NUP93: variants seen among roughly 807,000 people sequenced by gnomAD.
The protein encoded by NUP93 is nucleoporin 93.
NUP93 carries 55 observed loss-of-function variants against 107.8 expected under a neutral mutation model. The observed-to-expected ratio is 0.51, with a 90% CI of 0.41 to 0.64. The LOEUF (loss-of-function observed/expected upper bound fraction) is 0.64, where lower values mean the gene tolerates loss of function less well. Ranked by LOEUF, NUP93 falls within the 30% of genes least tolerant of loss-of-function variation. NUP93 has a pLI of 0.00. For missense variants in NUP93, 937 were observed against 1,044.7 expected (o/e 0.90, Z 1.42); for synonymous variants, 390 against 397.5 (o/e 0.98, Z 0.22).
Position 56,839,017 on chromosome 16 carries a change from T to C in NUP93, c.2084T>C (p.Leu695Ser), listed in dbSNP as rs764134014. The C allele has an allele frequency of 9.9e-5, 160 of 1,614,050 alleles. No individual in the cohort carries two copies. Among genetic ancestry groups the C allele is most frequent in the Non-Finnish European group, 1.3e-4 (154 of 1,180,010 alleles). The change falls in exon 19 of 22, where the codon TTG becomes TCG. Residue 695 changes from leucine (L) to serine (S), a missense_variant. Transcript: ENST00000308159. Reference sequence around the variant, plus strand: ...TCCACGTTCTATCTTCTTTTGGACTTGATCACCTTTTTTGACGAGTATCAT... The same window carrying C: ...TCCACGTTCTATCTTCTTTTGGACTCGATCACCTTTTTTGACGAGTATCAT... ...VDSTFYLLLD[L>S]ITFFDEYHSG...
chr16:56,748,481 G>A (rs1961860576), intron 2 of NUP93, 55 bp downstream of exon 2: 22 of 1,430,392 alleles, frequency 1.5e-5, no homozygotes, highest in Non-Finnish European at 2.0e-5. Flanking sequence ...GGCAGGATCT[G>A]TTTCTTCTTT....
chr16:56,776,914 T>C (rs752710327), intron 3 of NUP93, among the ~76,000 whole-genome samples: 16 of 152,270 alleles, frequency 1.1e-4, no homozygotes, highest in Non-Finnish European at 4.4e-5. Flanking sequence ...ATGTATTTTT[T>C]ACTGTGGTAG....
At chr16:56,792,069 ACTCCGG>A (rs1158180647) in intron 3 of NUP93, among the ~76,000 whole-genome samples, 1 of 152,106 alleles carries the variant, frequency 6.6e-6, no homozygotes, top group Non-Finnish European at 1.5e-5. Flanking sequence ...AATCCCAGCT[ACTCCGG>A]AGACTTAGGT....
intron 21 of NUP93, among the ~76,000 whole-genome samples, chr16:56,843,853 T>C (rs566223028): frequency 6.6e-6 from 1 of 152,356 alleles, no homozygotes; most frequent in East Asian, 1.9e-4. Context: ...TGGTGGTAGA[T>C]TTCTCCCTTT....
chr16:56,731,379 GTCTT>G (rs1271226173), intron 1 of NUP93, among the ~76,000 whole-genome samples: 12 of 151,068 alleles, frequency 7.9e-5, no homozygotes, highest in African/African-American at 2.7e-4. Context: ...GTTGACTGCT[GTCTT>G]TCTTTTTCTT....
intron 6 of NUP93, among the ~76,000 whole-genome samples, chr16:56,820,420 AT>A (rs1162598853): frequency 5.9e-5 from 9 of 152,166 alleles, no homozygotes; most frequent in Non-Finnish European, 1.2e-4. Context: ...GATTCAAGTG[AT>A]TCTCCTGCCT....
intron 1 of NUP93, among the ~76,000 whole-genome samples, chr16:56,739,726 C>CG (rs2144438199): frequency 9.7e-6 from 1 of 103,302 alleles, no homozygotes; most frequent in Non-Finnish European, 2.0e-5. Context: ...GGGGGGCCGA[C>CG]CCCCCCACCT....
intron 5 of NUP93, among the ~76,000 whole-genome samples, chr16:56,805,934 G>C (rs1963128704): frequency 6.6e-6 from 1 of 151,442 alleles, no homozygotes; most frequent in South Asian, 2.1e-4. Flanking sequence ...ATTTCATCTG[G>C]GGCTTGGGGC....
chr16:56,775,402 A>G (rs536400086), intron 3 of NUP93, among the ~76,000 whole-genome samples: 17 of 152,366 alleles, frequency 1.1e-4, no homozygotes, highest in East Asian at 9.6e-4. Flanking sequence ...TATTCTGTGC[A>G]TGATGCTGTG....
At chr16:56,759,010 G>A (rs934502326) in intron 3 of NUP93, among the ~76,000 whole-genome samples, 7 of 152,052 alleles carry the variant, frequency 4.6e-5, no homozygotes, top group Non-Finnish European at 1.0e-4. Flanking sequence ...TTTACTATTC[G>A]TCTTCCACAT....
chr16:56,807,239 G>A (rs1202946378), intron 5 of NUP93, among the ~76,000 whole-genome samples: 1 of 152,234 alleles, frequency 6.6e-6, no homozygotes, highest in African/African-American at 2.4e-5. Context: ...TGCCAGGAAT[G>A]CTCTTCCCCC....
At chr16:56,836,500 C>T in intron 16 of NUP93, 101 bp from the exon 17 acceptor site, 1 of 719,074 alleles carries the variant, frequency 1.4e-6, no homozygotes, top group Non-Finnish European at 2.4e-6. Context: ...AGCAATTCCA[C>T]TTGAAGTATT....
intron 5 of NUP93, 127 bp downstream of exon 5, chr16:56,805,759 G>A: frequency 9.4e-7 from 1 of 1,066,320 alleles, no homozygotes; most frequent in Non-Finnish European, 1.4e-6. Context: ...TCTTCACTTA[G>A]CTTTTAGGAT....
chr16:56,762,173 G>A (rs1466588944), intron 3 of NUP93, among the ~76,000 whole-genome samples: 1 of 152,076 alleles, frequency 6.6e-6, no homozygotes, highest in African/African-American at 2.4e-5. Context: ...TGTCTTTGGA[G>A]AAAAAAATAT....
chr16:56,828,488 A>G (rs954074953), intron 8 of NUP93, among the ~76,000 whole-genome samples: 2 of 152,196 alleles, frequency 1.3e-5, no homozygotes, highest in Non-Finnish European at 2.9e-5. Flanking sequence ...TTTTTATAAC[A>G]TATTTTCAAG....
At chr16:56,775,356 C>G (rs1288532419) in intron 3 of NUP93, among the ~76,000 whole-genome samples, 5 of 152,162 alleles carry the variant, frequency 3.3e-5, no homozygotes, top group Non-Finnish European at 7.4e-5. Context: ...TAATAATACT[C>G]AGCAATTTAT....
rs1963815614 is a variant in NUP93, at chr16:56,832,455, T to C, written c.1345+67T>C. ...CTTAAGGTGACTACTTCAGTTTTCC[T>C]CTGGGAAAATTTTTCATCTCTGAAC... On this transcript the variant is annotated intron_variant, in intron 12 of 21. Transcript: ENST00000308159. 3.1e-6 allele frequency: 4 copies of C among 1,296,228 alleles called. No homozygotes were observed. The East Asian group carries it at 9.3e-5, about 30-fold the overall frequency. 80.3% of individuals were successfully genotyped at this position (1,296,228 alleles called of 1,614,324 possible).
intron 1 of NUP93, among the ~76,000 whole-genome samples, chr16:56,740,150 G>A (rs1475797005): frequency 2.0e-5 from 3 of 147,198 alleles, no homozygotes; most frequent in Admixed American, 6.7e-5. Context: ...CCTCCCGGAC[G>A]GGGTGGCTGC....
At chr16:56,794,630 A>G (rs1293692920) in intron 3 of NUP93, among the ~76,000 whole-genome samples, 1 of 151,864 alleles carries the variant, frequency 6.6e-6, no homozygotes, top group Non-Finnish European at 1.5e-5. Context: ...CATGGGTGTC[A>G]TTAAAAGAAT....
Sources: allele counts gnomAD v4.1 joint callset (sites outside exome capture counted in the v4.1 genomes callset), GRCh38; gene constraint gnomAD v4.1.1; transcripts MANE v1.5; gene names NCBI Gene and HGNC (gene_info 2026-07-23, HGNC 2026-07-21).